The following OTOG variants were observed in gnomAD, a reference collection of about 807,000 sequenced individuals.
OTOG encodes otogelin.
Under a neutral mutation model 313.8 loss-of-function variants are expected in OTOG, and 296 were observed. That is an observed-to-expected ratio of 0.94 (90% CI 0.86 to 1.04). OTOG has a LOEUF of 1.04. OTOG is among the 50% of genes least tolerant of loss of function. OTOG has a pLI of 0.00. For missense variants in OTOG, 3,948 were observed against 3,840.1 expected (o/e 1.03, Z -0.74); for synonymous variants, 1,533 against 1,554.9 (o/e 0.99, Z 0.33).
intron 51 of OTOG, 123 bp downstream of exon 51, chr11:17,641,214 C>A: frequency 2.8e-6 from 3 of 1,060,216 alleles, no homozygotes; most frequent in Non-Finnish European, 4.0e-6. Flanking sequence ...GTCAGAGGGG[C>A]CCTCAGAAAC....
chr11:17,570,359 A>G lies in OTOG; in HGVS notation c.1924A>G (p.Thr642Ala), dbSNP rs900925083. 1.9e-6 allele frequency: 3 copies of G among 1,550,470 alleles called. No individual in the cohort carries two copies. In the East Asian group the frequency reaches 7.3e-5, roughly 38 times the overall value. The part of the protein sequence containing the change: ...WVEDTVGLCG[T>A]FNGNTQDDFL... ...GGAGGATACCGTGGGCCTCTGCGGC[A>G]CCTTCAATGGCAACACGCAGGATGA... The change falls in exon 17 of 56, where the codon ACC becomes GCC. Residue 642 changes from threonine (T) to alanine (A), a missense_variant. Transcript: ENST00000399397.
rs763745890 is a variant in OTOG at position 17,573,189 on chromosome 11, G to A, written c.2192G>A (p.Arg731His). 1.1e-5 allele frequency: 17 copies of A among 1,539,862 alleles called. No homozygotes were observed. The highest frequency in any genetic ancestry group is 9.8e-5 in the East Asian group (4 of 40,916). ...YFEQCRRDAC[R>H]CGQPCLCATL... ...GAGCAGTGCCGCAGGGATGCCTGCC[G>A]CTGCGGGCAGCCCTGCCTGTGCGCC... is the stretch of plus-strand genomic sequence containing the variant. The change falls in exon 19 of 56, where the codon CGC (arginine) becomes CAC (histidine). Residue 731 changes from arginine (R) to histidine (H), a missense_variant. Physicochemically the swap from Arg to His is conservative, Grantham distance 29. Coordinates refer to ENST00000399397, the MANE Select transcript of OTOG (RefSeq NM_001292063.2).
intron 47 of OTOG, among the ~76,000 whole-genome samples, chr11:17,637,554 A>G (rs1590059804): frequency 6.6e-6 from 1 of 152,136 alleles, no homozygotes; most frequent in Admixed American, 6.5e-5. Context: ...CTAAGGATTG[A>G]TGGGTTCAAG....
rs1412490954 is a variant in OTOG at position 17,634,948 on chromosome 11, G to A, written c.7585G>A (p.Glu2529Lys). The change falls in exon 45 of 56, where the codon GAG becomes AAG. Residue 2529 changes from glutamate to lysine, a missense_variant and splice_region_variant. Glu to Lys is a moderately conservative substitution (Grantham distance 56). Coordinates refer to ENST00000399397, the MANE Select transcript of OTOG (RefSeq NM_001292063.2). ...EDSCCPSYSCECDPDLCEAEL... is the reference protein window; with the variant it reads ...EDSCCPSYSCKCDPDLCEAEL... ...CTCCTGCTGCCCCAGCTACAGCTGT[G>A]GTGAGAGGCCCGGGGTGGGGAGGGT... 6.5e-7 allele frequency: 1 copy of A among 1,547,076 alleles called. No homozygotes were observed. The highest frequency in any genetic ancestry group is 8.7e-7 in the Non-Finnish European group (1 of 1,145,420).
chr11:17,595,184 G>A (rs1853062082), intron 28 of OTOG, among the ~76,000 whole-genome samples: 1 of 152,136 alleles, frequency 6.6e-6, no homozygotes, highest in Non-Finnish European at 1.5e-5. Context: ...TCCTGAGGTG[G>A]GACAAGGGTT....
chr11:17,607,816 A>G (rs1047937906), intron 33 of OTOG, among the ~76,000 whole-genome samples: 1 of 151,972 alleles, frequency 6.6e-6, no homozygotes, highest in African/African-American at 2.4e-5. Flanking sequence ...TCACCCTGCA[A>G]AGGAGAGCCT....
rs961537720 is a variant in OTOG, at chr11:17,553,300, C to G, written c.386-65C>G. ...GGGAGCAGCACTTCCAGGGCTGGAA[C>G]CCACCAGCCTCTGGCTTGGTGCCCA... On this transcript the variant is annotated intron_variant, in intron 5 of 55. Transcript: ENST00000399397. 2.1e-5 allele frequency: 31 copies of G among 1,502,880 alleles called. No homozygotes were observed. In the Middle Eastern group the frequency reaches 6.9e-4, roughly 34 times the overall value. 93.1% of individuals were successfully genotyped at this position (1,502,880 alleles called of 1,614,324 possible). A position where few individuals can be genotyped will look rare whatever the true frequency, so the allele number is the denominator to read the frequency against.
chr11:17,601,071 T>C (rs900967957), intron 31 of OTOG, among the ~76,000 whole-genome samples: 1 of 152,208 alleles, frequency 6.6e-6, no homozygotes, highest in Admixed American at 6.5e-5. Flanking sequence ...GCCATGGAAA[T>C]CCAGAAGCCC....
intron 30 of OTOG, among the ~76,000 whole-genome samples, chr11:17,597,711 A>G (rs776829752): frequency 9.2e-5 from 14 of 152,232 alleles, no homozygotes; most frequent in Non-Finnish European, 1.5e-5. Context: ...AAAGAAGGCT[A>G]AATTCTTCAT....
rs1023077268 is a variant in OTOG, at chr11:17,560,708, G to C, written c.1343-1G>C. ...TAATTGGCCCTTTGCTGTCACTCTAGGGCTCATCTTCGAGGATGGGGGCTG... is the reference window on the plus strand; with the variant it reads ...TAATTGGCCCTTTGCTGTCACTCTACGGCTCATCTTCGAGGATGGGGGCTG... On this transcript the variant is annotated splice_acceptor_variant, in intron 12 of 55. Transcript: ENST00000399397. LOFTEE classifies it high-confidence loss of function. 1 of 1,550,088 alleles carries C rather than the reference G, an allele frequency of 6.5e-7. No homozygotes were observed. Among genetic ancestry groups the C allele is most frequent in the Non-Finnish European group, 8.7e-7 (1 of 1,146,552 alleles).
At chr11:17,580,841 CA>C in intron 23 of OTOG, among the ~76,000 whole-genome samples, 1 of 152,158 alleles carries the variant, frequency 6.6e-6, no homozygotes, top group Non-Finnish European at 1.5e-5. Flanking sequence ...GTTTTAAGCA[CA>C]AAAACAGAGG....
intron 44 of OTOG, among the ~76,000 whole-genome samples, chr11:17,634,528 C>T (rs1351465398): frequency 1.3e-5 from 2 of 152,022 alleles, no homozygotes; most frequent in African/African-American, 4.8e-5. Context: ...CTTGTGGCCT[C>T]GGGCAAATTA....
chr11:17,606,461 G>A (rs1476699), intron 33 of OTOG, among the ~76,000 whole-genome samples: 78,184 of 152,124 alleles, frequency 0.51, 20,293 homozygotes, highest in Middle Eastern at 0.65. Flanking sequence ...ATGCGTAGCC[G>A]CTGGCTCAGT....
chr11:17,624,411 T>G (rs1469680882), intron 39 of OTOG, among the ~76,000 whole-genome samples: 1 of 152,174 alleles, frequency 6.6e-6, no homozygotes, highest in Non-Finnish European at 1.5e-5. Context: ...GAATAGAGAG[T>G]ACTTTACCTA....
At chr11:17,602,782 T>C (rs1345860238) in intron 32 of OTOG, among the ~76,000 whole-genome samples, 1 of 151,924 alleles carries the variant, frequency 6.6e-6, no homozygotes, top group Non-Finnish European at 1.5e-5. Context: ...ACCCTTTCAC[T>C]GAGCCCTAAT....
intron 47 of OTOG, among the ~76,000 whole-genome samples, chr11:17,637,921 G>A (rs1854302628): frequency 6.6e-6 from 1 of 152,200 alleles, no homozygotes; most frequent in African/African-American, 2.4e-5. Context: ...CACCCAGGGA[G>A]TTCCCTCACC....
chr11:17,606,197 C>T (rs1307191855), intron 33 of OTOG, 62 bp downstream of exon 33: 1 of 1,461,940 alleles, frequency 6.8e-7, no homozygotes, highest in Non-Finnish European at 9.1e-7. Flanking sequence ...GCTCTTCCCA[C>T]CCTGTCCCCA....
rs528233472 is a variant in OTOG at position 17,598,834 on chromosome 11, G to A, written c.3683-837G>A. Among the ~76,000 whole-genome samples, 366 of 152,322 alleles carry A rather than the reference G, an allele frequency of 2.4e-3. 1 individual carries two copies. The highest frequency in any genetic ancestry group is 3.6e-3 in the Non-Finnish European group (248 of 68,024). Reference sequence around the variant, plus strand: ...TGCAGATGGAGGGAGAGGCAGGCACGTGCCCCTAGCCACATGGCGGGCCTG... The same window carrying A: ...TGCAGATGGAGGGAGAGGCAGGCACATGCCCCTAGCCACATGGCGGGCCTG... On this transcript the variant is annotated intron_variant, in intron 30 of 55. Transcript: ENST00000399397.
Position 17,635,474 on chromosome 11 carries a change from G to C in OTOG, c.7694-136G>C, listed in dbSNP as rs1360494956. On this transcript the variant is annotated intron_variant, in intron 46 of 55. Coordinates refer to ENST00000399397, the MANE Select transcript of OTOG (RefSeq NM_001292063.2). ...ATTCTGATTCCAGAACGGATCACGT[G>C]AGACCATGCGATGCTGCCATTAGTT... The C allele has an allele frequency of 2.3e-5, 16 of 704,758 alleles. 1 individual carries two copies. The highest frequency in any genetic ancestry group is 3.7e-5 in the Non-Finnish European group (15 of 402,820). The allele number at this position is 704,758 out of a possible 1,614,324, so 43.7% of individuals were successfully genotyped here.
Sources: allele counts gnomAD v4.1 joint callset (sites outside exome capture counted in the v4.1 genomes callset), GRCh38; gene constraint gnomAD v4.1.1; transcripts MANE v1.5; gene names NCBI Gene and HGNC (gene_info 2026-07-23, HGNC 2026-07-21).